Variants in SYNRG observed in about 807,000 individuals in gnomAD.
The protein encoded by SYNRG is synergin gamma.
A neutral mutation model predicts 130.9 loss-of-function variants in SYNRG; 37 were observed. The ratio of observed to expected loss-of-function variants is 0.28; its 90% CI spans 0.22 to 0.37. SYNRG has a LOEUF of 0.37. SYNRG is among the 10% of genes least tolerant of loss of function. SYNRG has a pLI of 1.00. For synonymous variants in SYNRG, 539 were observed against 568.1 expected, an observed-to-expected ratio of 0.95 and a Z score of 0.73; for missense variants, 1,338 against 1,588.9, an observed-to-expected ratio of 0.84 and a Z score of 2.68.
chr17:37,528,290 C>T (rs2056198158), intron 19 of SYNRG, among the ~76,000 whole-genome samples: 1 of 152,196 alleles, frequency 6.6e-6, no homozygotes, highest in African/African-American at 2.4e-5. Context: ...CTGTCTACTT[C>T]TGTTGTCACA....
intron 19 of SYNRG, among the ~76,000 whole-genome samples, chr17:37,522,519 G>A (rs912715779): frequency 6.6e-6 from 1 of 151,954 alleles, no homozygotes. Flanking sequence ...CCAGGCTGGA[G>A]TGTGGTGGTG....
At chr17:37,548,841 A>C (rs1438414144) in intron 14 of SYNRG, among the ~76,000 whole-genome samples, 1 of 146,110 alleles carries the variant, frequency 6.8e-6, no homozygotes, top group Non-Finnish European at 1.5e-5. Context: ...AAAAAAAAAA[A>C]AACACACAAA....
intron 15 of SYNRG, chr17:37,541,539 C>T (rs1387285826): frequency 2.4e-5 from 4 of 168,866 alleles, no homozygotes. Context: ...TTACTTCGTA[C>T]TTAAAAATCT....
intron 1 of SYNRG, among the ~76,000 whole-genome samples, chr17:37,602,474 G>C (rs2063375439): frequency 6.6e-6 from 1 of 152,202 alleles, no homozygotes; most frequent in Non-Finnish European, 1.5e-5. Context: ...AAAACCAAGG[G>C]AGTGCTTATA....
At chr17:37,595,158 A>T (rs372886633) in intron 3 of SYNRG, among the ~76,000 whole-genome samples, 3 of 152,338 alleles carry the variant, frequency 2.0e-5, no homozygotes, top group South Asian at 4.1e-4. Context: ...CCTTCTAGAG[A>T]CAGATAAAAA....
intron 17 of SYNRG, 45 bp downstream of exon 17, chr17:37,539,147 A>G (rs1210394436): frequency 6.2e-7 from 1 of 1,607,168 alleles, no homozygotes; most frequent in East Asian, 2.2e-5. Context: ...AAAAAGGCAC[A>G]AAAGAGCACT....
At chr17:37,575,064 A>T (rs924311131) in intron 8 of SYNRG, among the ~76,000 whole-genome samples, 1 of 152,160 alleles carries the variant, frequency 6.6e-6, no homozygotes, top group African/African-American at 2.4e-5. Flanking sequence ...GACAAATTTC[A>T]TATATTCTCA....
intron 13 of SYNRG, among the ~76,000 whole-genome samples, chr17:37,559,445 T>C (rs1032764730): frequency 2.6e-5 from 4 of 152,200 alleles, no homozygotes; most frequent in African/African-American, 7.2e-5. Flanking sequence ...ATCCCAGCAC[T>C]GTGGGAGGCC....
At chr17:37,604,275 G>A (rs146921861) in intron 1 of SYNRG, among the ~76,000 whole-genome samples, 113 of 151,286 alleles carry the variant, frequency 7.5e-4, no homozygotes, top group African/African-American at 2.6e-3. Context: ...ATTGTTTAGC[G>A]TAGCCACCTT....
intron 10 of SYNRG, 34 bp from the exon 11 acceptor site, chr17:37,568,958 C>G: frequency 6.3e-7 from 1 of 1,584,760 alleles, no homozygotes; most frequent in Non-Finnish European, 8.6e-7. Flanking sequence ...ATAAATAGCA[C>G]TGACTGACAA....
Position 37,518,113 on chromosome 17 carries a change from G to C in SYNRG, c.*827C>G, listed in dbSNP as rs2054566279. 2.0e-5 allele frequency: 3 copies of C among 152,182 alleles called. 1 individual carries two copies. In the South Asian group the frequency reaches 6.2e-4, roughly 32 times the overall value. The allele number at this position is 152,182 out of a possible 1,614,324, so 9.4% of individuals were successfully genotyped here. On this transcript the variant is annotated 3_prime_UTR_variant, in exon 22 of 22. Transcript: ENST00000612223. ...AGTCATCTTTGGAAATTTGGAGAGA[G>C]GCCACTGCAAAGAGATTTCATTCCA...
intron 14 of SYNRG, among the ~76,000 whole-genome samples, chr17:37,543,709 T>C (rs2057998623): frequency 6.6e-6 from 1 of 152,234 alleles, no homozygotes; most frequent in Admixed American, 6.5e-5. Context: ...TAATTGCTGC[T>C]TTAGGGCCTA....
intron 3 of SYNRG, 77 bp downstream of exon 3, chr17:37,596,146 C>G (rs2062750080): frequency 6.6e-7 from 1 of 1,510,718 alleles, no homozygotes. Flanking sequence ...ACATTAAGCT[C>G]TTAGCCTGTA....
intron 13 of SYNRG, among the ~76,000 whole-genome samples, chr17:37,556,534 G>A (rs1260149827): frequency 7.2e-6 from 1 of 139,638 alleles, no homozygotes; most frequent in Non-Finnish European, 1.5e-5. Context: ...TATGTACTTG[G>A]ATATAGCAGA....
At chr17:37,544,927 C>T (rs1333879235) in intron 14 of SYNRG, among the ~76,000 whole-genome samples, 1 of 152,086 alleles carries the variant, frequency 6.6e-6, no homozygotes, top group African/African-American at 2.4e-5. Flanking sequence ...GGTTAGCAGG[C>T]TGGGCATGGT....
chr17:37,608,219 A>G (rs1159176958), intron 1 of SYNRG, among the ~76,000 whole-genome samples: 1 of 152,188 alleles, frequency 6.6e-6, no homozygotes, highest in Non-Finnish European at 1.5e-5. Flanking sequence ...TTTCCTGACA[A>G]GCACCTGCAA....
At chr17:37,598,547 G>T (rs991709192) in intron 2 of SYNRG, among the ~76,000 whole-genome samples, 1 of 152,198 alleles carries the variant, frequency 6.6e-6, no homozygotes. Context: ...GCACAAAAGT[G>T]TACACAGTAA....
rs2060200067 is a variant in SYNRG, at chr17:37,568,891, A to T, written c.1381T>A (p.Phe461Ile). The change falls in exon 11 of 22, where the codon TTT (phenylalanine) becomes ATT (isoleucine). Residue 461 changes from phenylalanine to isoleucine, a missense_variant. Physicochemically the swap from Phe to Ile is conservative, Grantham distance 21. Transcript: ENST00000612223. ...GATCCTGACTTAGAAGCATCTTGAA[A>T]ATCCTGGAAGTCATCTTCTTCTGGC... ...VKPEEDDFQD[F>I]QDASKSGSLD... is the part of the protein sequence containing the mutation. The T allele has an allele frequency of 6.2e-7, 1 of 1,614,074 alleles. No homozygotes were observed. The highest frequency in any genetic ancestry group is 8.5e-7 in the Non-Finnish European group (1 of 1,179,966).
intron 11 of SYNRG, among the ~76,000 whole-genome samples, chr17:37,566,235 C>T (rs1297590663): frequency 1.3e-5 from 2 of 151,700 alleles, no homozygotes; most frequent in East Asian, 1.9e-4. Flanking sequence ...GGATGGTTGC[C>T]GTGTCTGTGT....
Sources: gnomAD v4.1 joint callset for allele counts (sites outside exome capture counted in the v4.1 genomes callset) on GRCh38, gnomAD v4.1.1 for gene constraint, MANE v1.5 for transcripts, NCBI Gene and HGNC (gene_info 2026-07-23, HGNC 2026-07-21) for gene names.